PDCD1LG2: variants seen among roughly 807,000 people sequenced by gnomAD.
PDCD1LG2 encodes the protein B7 dendritic cell molecule.
PDCD1LG2 carries 32 observed loss-of-function variants against 28.2 expected under a neutral mutation model. That is an observed-to-expected ratio of 1.13 (90% CI 0.86 to 1.52). The LOEUF (loss-of-function observed/expected upper bound fraction) is 1.52. Ranked by LOEUF, PDCD1LG2 falls within the 40% of genes most tolerant of loss-of-function variation. The probability of loss-of-function intolerance (pLI) is 0.00; values close to 1 mark genes in which losing one functional copy is unlikely to be tolerated. For synonymous variants in PDCD1LG2, 116 were observed against 120.2 expected, an observed-to-expected ratio of 0.97 and a Z score of 0.23; for missense variants, 385 against 323.8, an observed-to-expected ratio of 1.19 and a Z score of -1.45.
At chr9:5,541,917 G>GCCTAACTTCAAA (rs1257410715) in intron 3 of PDCD1LG2, among the ~76,000 whole-genome samples, 1 of 151,992 alleles carries the variant, frequency 6.6e-6, no homozygotes, top group Non-Finnish European at 1.5e-5. Context: ...GCATCACATT[G>GCCTAACTTCAAA]CCTAACTTCA....
intron 4 of PDCD1LG2, among the ~76,000 whole-genome samples, chr9:5,551,912 G>A (rs1164390982): frequency 1.3e-5 from 2 of 152,156 alleles, no homozygotes; most frequent in African/African-American, 2.4e-5. Context: ...ACACCAGTTT[G>A]TGGAACAAGC....
chr9:5,518,771 A>T (rs1820217369), intron 1 of PDCD1LG2, among the ~76,000 whole-genome samples: 1 of 152,174 alleles, frequency 6.6e-6, no homozygotes, highest in South Asian at 2.1e-4. Context: ...TTGTTGCCAC[A>T]TCTTTACCCA....
intron 3 of PDCD1LG2, among the ~76,000 whole-genome samples, chr9:5,547,741 A>G (rs912892591): frequency 6.6e-6 from 1 of 152,096 alleles, no homozygotes; most frequent in East Asian, 1.9e-4. Context: ...GTTCAAAACC[A>G]GGCTGACCAA....
At chr9:5,513,994 T>C (rs532467059) in intron 1 of PDCD1LG2, among the ~76,000 whole-genome samples, 1 of 152,352 alleles carries the variant, frequency 6.6e-6, no homozygotes, top group South Asian at 2.1e-4. Flanking sequence ...TGCATTTATC[T>C]AGGTCTTCAT....
chr9:5,537,356 G>C (rs1406408596), intron 3 of PDCD1LG2, among the ~76,000 whole-genome samples: 3 of 152,146 alleles, frequency 2.0e-5, no homozygotes, highest in Admixed American at 1.3e-4. Context: ...ATTTGGAAAA[G>C]AGAGCCATAT....
intron 2 of PDCD1LG2, among the ~76,000 whole-genome samples, chr9:5,528,917 T>C (rs1385922371): frequency 6.6e-6 from 1 of 151,974 alleles, no homozygotes; most frequent in East Asian, 1.9e-4. Flanking sequence ...TTCAGTAGAG[T>C]CGGGGTTTCA....
intron 6 of PDCD1LG2, among the ~76,000 whole-genome samples, chr9:5,566,659 TTTTG>T (rs1816672525): frequency 6.6e-6 from 1 of 152,164 alleles, no homozygotes; most frequent in African/African-American, 2.4e-5. Flanking sequence ...AAGAATAAGC[TTTTG>T]TTTTTTATAT....
intron 2 of PDCD1LG2, among the ~76,000 whole-genome samples, chr9:5,523,264 C>G (rs569870616): frequency 1.3e-5 from 2 of 152,200 alleles, no homozygotes; most frequent in South Asian, 2.1e-4. Context: ...TCAGACCATT[C>G]GAGGGTGTAG....
At chr9:5,516,300 C>G (rs977720055) in intron 1 of PDCD1LG2, among the ~76,000 whole-genome samples, 1 of 152,200 alleles carries the variant, frequency 6.6e-6, no homozygotes, top group African/African-American at 2.4e-5. Flanking sequence ...ATTTTCCTGC[C>G]TCGGCCTCCC....
intron 1 of PDCD1LG2, among the ~76,000 whole-genome samples, chr9:5,520,550 A>G (rs1820254294): frequency 2.6e-5 from 4 of 152,224 alleles, no homozygotes; most frequent in African/African-American, 9.6e-5. Context: ...ATCTTAGCAG[A>G]AAATACAGAT....
At chr9:5,538,079 A>T (rs956569436) in intron 3 of PDCD1LG2, among the ~76,000 whole-genome samples, 3 of 152,212 alleles carry the variant, frequency 2.0e-5, no homozygotes, top group Non-Finnish European at 2.9e-5. Flanking sequence ...AGTGAGTTTC[A>T]ATGAATGAAA....
At chr9:5,566,502 T>C (rs1177060042) in intron 6 of PDCD1LG2, among the ~76,000 whole-genome samples, 2 of 152,246 alleles carry the variant, frequency 1.3e-5, no homozygotes, top group African/African-American at 4.8e-5. Context: ...ATGTAAGAGT[T>C]GGCATATGCT....
At chr9:5,512,522 T>G (rs16923195) in intron 1 of PDCD1LG2, among the ~76,000 whole-genome samples, 44,942 of 152,046 alleles carry the variant, frequency 0.3, 6,909 homozygotes, top group Admixed American at 0.4. Flanking sequence ...GTCTCTGCCT[T>G]TTTCACTAGT....
At chr9:5,511,459 T>C (rs1820056352) in intron 1 of PDCD1LG2, among the ~76,000 whole-genome samples, 1 of 152,126 alleles carries the variant, frequency 6.6e-6, no homozygotes, top group South Asian at 2.1e-4. Flanking sequence ...GCAAAGGCAA[T>C]GGGTTCATGT....
At chr9:5,527,598 A>G (rs1430577848) in intron 2 of PDCD1LG2, among the ~76,000 whole-genome samples, 13 of 152,242 alleles carry the variant, frequency 8.5e-5, no homozygotes, top group African/African-American at 3.1e-4. Flanking sequence ...GTGATTACAA[A>G]TAAAGTTATT....
At chr9:5,522,108 A>G (rs1237137198) in intron 1 of PDCD1LG2, among the ~76,000 whole-genome samples, 2 of 152,194 alleles carry the variant, frequency 1.3e-5, no homozygotes, top group African/African-American at 4.8e-5. Context: ...ATGGAGTCTT[A>G]TTTTCAAGTG....
intron 5 of PDCD1LG2, 26 bp from the exon 6 acceptor site, chr9:5,563,136 C>T (rs769981953): frequency 1.3e-6 from 2 of 1,568,746 alleles, no homozygotes; most frequent in African/African-American, 2.7e-5. Context: ...TAATCTTATT[C>T]CATTTCTGGA....
chr9:5,530,820 A>G lies in PDCD1LG2; in HGVS notation c.56-3925A>G, dbSNP rs543984016. Among the ~76,000 whole-genome samples the G allele has an allele frequency of 2.7e-3, 410 of 152,360 alleles. 2 individuals carry two copies. Among genetic ancestry groups the G allele is most frequent in the Non-Finnish European group, 4.5e-3 (308 of 68,030 alleles). ...GACAGTCCAAATGCAGACCAGTGTT[A>G]TAACTCTACTTCTCAAACATTAATG... is the stretch of plus-strand genomic sequence containing the variant. On this transcript the variant is annotated intron_variant, in intron 2 of 6. Transcript: ENST00000397747.
chr9:5,518,550 A>G (rs1820212189), intron 1 of PDCD1LG2, among the ~76,000 whole-genome samples: 1 of 152,218 alleles, frequency 6.6e-6, no homozygotes, highest in Admixed American at 6.5e-5. Context: ...CTGAATAAGG[A>G]AGGCTATCTT....
Sources: gnomAD v4.1 joint callset for allele counts (sites outside exome capture counted in the v4.1 genomes callset) on GRCh38, gnomAD v4.1.1 for gene constraint, MANE v1.5 for transcripts, NCBI Gene and HGNC (gene_info 2026-07-23, HGNC 2026-07-21) for gene names.